The following PAPLN variants were observed in gnomAD, a reference collection of about 807,000 sequenced individuals.
The protein encoded by PAPLN is papilin, proteoglycan like sulfated glycoprotein.
PAPLN carries 146 observed loss-of-function variants against 159.0 expected under a neutral mutation model. That is an observed-to-expected ratio of 0.92 (90% confidence interval 0.80 to 1.05). PAPLN has a LOEUF of 1.05. Among genes scored for constraint, PAPLN ranks in the 50% least tolerant of loss-of-function variants. The pLI, the probability that PAPLN is intolerant of heterozygous loss-of-function variation, is 0.00. For missense variants in PAPLN, 1,720 were observed against 1,743.9 expected (o/e 0.99, Z 0.24); for synonymous variants, 734 against 702.9 (o/e 1.04, Z -0.70).
intron 1 of PAPLN, among the ~76,000 whole-genome samples, chr14:73,239,213 C>T (rs889633798): frequency 3.3e-5 from 5 of 152,238 alleles, no homozygotes; most frequent in Non-Finnish European, 5.9e-5. Context: ...CTGCACGGCG[C>T]ACACTGCACT....
chr14:73,263,705 G>A lies in PAPLN; in HGVS notation c.2784G>A (p.Arg928=), dbSNP rs1198076302. ...AGGCAGCCCTGGGGCAGTTGGTGCG[G>A]CTCTCCTGCTCAGACGACACTGCCC... The part of the protein sequence containing the change: ...LVQAALGQLV[R]LSCSDDTAPE... The change falls in exon 20 of 27, where the codon CGG becomes CGA. Residue 928 remains arginine, a synonymous_variant. Coordinates refer to ENST00000644200, the MANE Select transcript of PAPLN (RefSeq NM_001365906.3). 1.9e-6 allele frequency: 3 copies of A among 1,612,642 alleles called. No individual in the cohort carries two copies. In the African/African-American group the frequency reaches 4.0e-5, roughly 22 times the overall value.
chr14:73,264,591 G>C lies in PAPLN; in HGVS notation c.2990G>C (p.Gly997Ala), dbSNP rs758046167. 7 of 1,597,448 alleles carry C rather than the reference G, an allele frequency of 4.4e-6. No homozygotes were observed. In the South Asian group the frequency reaches 7.9e-5, roughly 18 times the overall value. Residue 997 changes from glycine to alanine, a missense_variant, in exon 22 of 27, where the codon GGT (glycine) becomes GCT (alanine). Coordinates refer to ENST00000644200, the MANE Select transcript of PAPLN (RefSeq NM_001365906.3). Reference protein sequence around the residue: ...SQKIQLRIIGGDMAVLSEAEL... With the variant: ...SQKIQLRIIGADMAVLSEAEL... ...GTTTCTCCTGGCCTCATGACAGGGG[G>C]TGACATGGCCGTGCTGTCTGAGGCT...
chr14:73,251,451 C>A, intron 7 of PAPLN, 35 bp from the exon 8 acceptor site: 1 of 1,586,336 alleles, frequency 6.3e-7, no homozygotes, highest in East Asian at 2.2e-5. Context: ...AGAGGGATAG[C>A]CCAGCACACC....
chr14:73,245,738 GC>G lies in PAPLN; in HGVS notation c.231+46del. The G allele has an allele frequency of 6.5e-7, 1 of 1,533,060 alleles. No homozygotes were observed. The highest frequency in any genetic ancestry group is 1.2e-5 in the South Asian group (1 of 83,712). The allele number at this position is 1,533,060 out of a possible 1,614,324, so 95.0% of individuals were successfully genotyped here. A position where few individuals can be genotyped will look rare whatever the true frequency, so the allele number is the denominator to read the frequency against. The stretch of plus-strand genomic sequence containing the variant: ...GCGGGCGAAGGCACCAGCTTCCCCA[GC>G]CCCTCCTGGCCGATTTCCCCATTGG... On this transcript the variant is annotated intron_variant, in intron 4 of 26. Transcript: ENST00000644200. The surrounding 1 kb of genome is among the most constrained non-coding windows in gnomAD (Gnocchi z 4.2).
intron 14 of PAPLN, among the ~76,000 whole-genome samples, chr14:73,257,675 G>A (rs1244152352): frequency 6.6e-6 from 1 of 151,104 alleles, no homozygotes; most frequent in Non-Finnish European, 1.5e-5. Context: ...TGCATAGTGA[G>A]CAGCCATGTA....
At chr14:73,248,073 CTCTGTG>C (rs1329274329) in intron 5 of PAPLN, among the ~76,000 whole-genome samples, 6 of 51,010 alleles carry the variant, frequency 1.2e-4, no homozygotes, top group African/African-American at 8.6e-4. Flanking sequence ...GTCTCATATC[CTCTGTG>C]TGTGTGTGTG....
chr14:73,246,642 C>CT (rs60063397), intron 5 of PAPLN, among the ~76,000 whole-genome samples: 15,811 of 116,728 alleles, frequency 0.14, 1,517 homozygotes, highest in East Asian at 0.48. Context: ...TTCTTTCTTT[C>CT]TTTTTTTTTT....
Position 73,245,396 on chromosome 14 carries a change from T to C in PAPLN, c.171-240T>C. On this transcript the variant is annotated intron_variant, in intron 3 of 26. Coordinates refer to ENST00000644200, the MANE Select transcript of PAPLN (RefSeq NM_001365906.3). This position sits in a 1 kb window ranked among gnomAD's most constrained non-coding sequence, Gnocchi z 4.2. ...GGAATCTGCCTAAGATGCAGTGGAGTGGTCCCGCCTTAAATCCAAACTATA... is the reference window on the plus strand; with the variant it reads ...GGAATCTGCCTAAGATGCAGTGGAGCGGTCCCGCCTTAAATCCAAACTATA... The C allele has an allele frequency of 1.8e-6, 1 of 542,914 alleles. No individual in the cohort carries two copies. The highest frequency in any genetic ancestry group is 3.3e-6 in the Non-Finnish European group (1 of 302,548). 33.6% of individuals were successfully genotyped at this position (542,914 alleles called of 1,614,324 possible).
At position 73,255,918 on chromosome 14, in the gene PAPLN, C is replaced by T. The variant is rs181979789; in HGVS notation, c.1627+900C>T. On this transcript the variant is annotated intron_variant, in intron 14 of 26. Coordinates refer to ENST00000644200, the MANE Select transcript of PAPLN (RefSeq NM_001365906.3). Reference sequence around the variant, plus strand: ...CCACCTCTCTGATTCTCAGTTTGCCCATCTGCACAGTGGGGTTAAAAAGAG... The same window carrying T: ...CCACCTCTCTGATTCTCAGTTTGCCTATCTGCACAGTGGGGTTAAAAAGAG... Among the ~76,000 whole-genome samples the T allele has an allele frequency of 2.6e-5, 4 of 152,338 alleles. No homozygotes were observed. The East Asian group carries it at 7.7e-4, about 29-fold the overall frequency.
At chr14:73,272,335 G>T (rs1042355126) in intron 26 of PAPLN, 160 bp from the exon 27 acceptor site, 2 of 599,574 alleles carry the variant, frequency 3.3e-6, no homozygotes, top group African/African-American at 3.7e-5. Flanking sequence ...CCCTCATAGA[G>T]TTTGTACGTA....
intron 5 of PAPLN, among the ~76,000 whole-genome samples, chr14:73,248,536 G>T (rs1162140003): frequency 1.3e-5 from 2 of 152,170 alleles, no homozygotes; most frequent in Non-Finnish European, 2.9e-5. Flanking sequence ...GGGTACAGTG[G>T]CTCATGCCCG....
Position 73,252,742 on chromosome 14 carries a change from C to T in PAPLN, c.1061C>T (p.Ser354Phe), listed in dbSNP as rs908356668. 3 of 1,613,600 alleles carry T rather than the reference C, an allele frequency of 1.9e-6. No homozygotes were observed. Among genetic ancestry groups the T allele is most frequent in the East Asian group, 2.2e-5 (1 of 44,878 alleles). ...CAGCCACGGCCAGCTGACCGGCGTT[C>T]CTGCAATCTTCACCCTTGCCCGGAG... ...QRQPRPADRR[S>F]CNLHPCPETK... The change falls in exon 11 of 27, where the codon TCC (serine) becomes TTC (phenylalanine). Residue 354 changes from serine to phenylalanine, a missense_variant. Transcript: ENST00000644200.
rs1479811967 is a variant in PAPLN at position 73,272,906 on chromosome 14, A to C, written c.*242A>C. ...ACAGGCTGCTGTTTTCAAGAAGAGC[A>C]ATCTGTTTGGATAAGAAAAACCTTT... On this transcript the variant is annotated 3_prime_UTR_variant, in exon 27 of 27. Transcript: ENST00000644200. The C allele has an allele frequency of 5.3e-6, 2 of 377,856 alleles. No individual in the cohort carries two copies. The highest frequency in any genetic ancestry group is 2.1e-5 in the African/African-American group (1 of 48,370). 23.4% of individuals were successfully genotyped at this position (377,856 alleles called of 1,614,324 possible). A position where few individuals can be genotyped will look rare whatever the true frequency, so the allele number is the denominator to read the frequency against.
chr14:73,263,833 C>G (rs1408065186), intron 20 of PAPLN, 51 bp downstream of exon 20: 2 of 1,553,224 alleles, frequency 1.3e-6, no homozygotes, highest in African/African-American at 1.4e-5. Context: ...GCCCCCCTAC[C>G]TTCCCTGACA....
At chr14:73,271,017 G>A (rs1887668422) in intron 26 of PAPLN, among the ~76,000 whole-genome samples, 2 of 152,182 alleles carry the variant, frequency 1.3e-5, no homozygotes, top group South Asian at 4.1e-4. Flanking sequence ...CTGTGAAGTA[G>A]GTTGCTGTTG....
intron 16 of PAPLN, 40 bp downstream of exon 16, chr14:73,259,585 G>A (rs1043042905): frequency 4.1e-6 from 6 of 1,460,114 alleles, no homozygotes; most frequent in Non-Finnish European, 5.4e-6. Flanking sequence ...CCCCGTCAAA[G>A]AGGGAAGGTG....
In PAPLN at chr14:73,254,652, C is replaced by G. The variant is rs202021758; in HGVS notation, c.1442C>G (p.Pro481Arg). ...LTEPCVHEDCPLLSDQAWHVG... is the reference protein window; with the variant it reads ...LTEPCVHEDCRLLSDQAWHVG... The stretch of plus-strand genomic sequence containing the variant: ...GAGCCCTGTGTGCATGAGGACTGCC[C>G]CCTCCTCAGTGACCAGGCCTGGCAT... Residue 481 changes from proline (P) to arginine (R), a missense_variant, in exon 13 of 27, where the codon CCC (proline) becomes CGC (arginine). Coordinates refer to ENST00000644200, the MANE Select transcript of PAPLN (RefSeq NM_001365906.3). The G allele has an allele frequency of 1.3e-4, 204 of 1,613,894 alleles. No individual in the cohort carries two copies. Among genetic ancestry groups the G allele is most frequent in the Non-Finnish European group, 7.2e-5 (85 of 1,179,920 alleles).
intron 5 of PAPLN, 47 bp downstream of exon 5, chr14:73,246,222 C>A: frequency 7.0e-7 from 1 of 1,438,638 alleles, no homozygotes. Flanking sequence ...TGTATACCTA[C>A]GTTGATGCCA....
chr14:73,254,760 G>C (rs930092823), intron 13 of PAPLN, 65 bp downstream of exon 13: 8 of 1,593,156 alleles, frequency 5.0e-6, no homozygotes, highest in Non-Finnish European at 6.8e-6. Flanking sequence ...CTGCACCCGA[G>C]CGCCGTCCTT....
Sources: gnomAD v4.1 joint callset for allele counts (sites outside exome capture counted in the v4.1 genomes callset) on GRCh38, gnomAD v4.1.1 for gene constraint, Gnocchi (gnomAD v3.1) non-coding constraint, MANE v1.5 for transcripts, NCBI Gene and HGNC (gene_info 2026-07-23, HGNC 2026-07-21) for gene names.